Variants in AGT observed in about 807,000 individuals in gnomAD.
The protein encoded by AGT is angiotensinogen, also known as alpha-1 antiproteinase, antitrypsin.
A neutral mutation model predicts 28.1 loss-of-function variants in AGT; 26 were observed. The ratio of observed to expected loss-of-function variants is 0.92; its 90% CI spans 0.68 to 1.28. The LOEUF is 1.28. Ranked by LOEUF, AGT falls within the 50% of genes most tolerant of loss-of-function variation. AGT has a pLI of 0.00. For synonymous variants in AGT, 259 were observed against 259.6 expected (o/e 1.00, Z 0.02); for missense variants, 596 against 592.3 (o/e 1.01, Z -0.06).
intron 1 of AGT, among the ~76,000 whole-genome samples, chr1:230,733,657 T>C (rs1314485255): frequency 3.3e-5 from 5 of 152,220 alleles, no homozygotes; most frequent in Admixed American, 3.3e-4. Flanking sequence ...TCTGGAGAAC[T>C]TGGCAATGAA....
intron 1 of AGT, among the ~76,000 whole-genome samples, chr1:230,731,635 G>T (rs1190539811): frequency 6.6e-6 from 1 of 152,184 alleles, no homozygotes; most frequent in Admixed American, 6.5e-5. Context: ...GGAGGCCAAG[G>T]TGGGTGGATC....
At chr1:230,717,318 T>G (rs1343308455), upstream of AGT, among the ~76,000 whole-genome samples, 4 of 152,070 alleles carry the variant, frequency 2.6e-5, no homozygotes, top group Non-Finnish European at 5.9e-5. Context: ...GAGATGAGAC[T>G]TGGTCTAAAC....
chr1:230,729,430 G>A (rs1027674700), intron 1 of AGT, among the ~76,000 whole-genome samples: 1 of 152,194 alleles, frequency 6.6e-6, no homozygotes, highest in Non-Finnish European at 1.5e-5. Context: ...GTAATTATAA[G>A]CACTTTCTCC....
At chr1:230,724,434 T>C (rs1422739127) in intron 1 of AGT, among the ~76,000 whole-genome samples, 2 of 152,230 alleles carry the variant, frequency 1.3e-5, no homozygotes, top group Non-Finnish European at 2.9e-5. Context: ...CTGAATATAA[T>C]GACACCAAAA....
upstream of AGT, chr1:230,714,406 G>A (rs1332731052): frequency 1.3e-5 from 2 of 152,382 alleles, no homozygotes; most frequent in Non-Finnish European, 2.9e-5. Flanking sequence ...AGAAACGGGA[G>A]CATCTCCCTA....
intron 1 of AGT, among the ~76,000 whole-genome samples, chr1:230,736,319 T>G (rs1276297700): frequency 6.6e-6 from 1 of 151,928 alleles, no homozygotes; most frequent in Non-Finnish European, 1.5e-5. Context: ...GTCGGGAGAT[T>G]GAGACCATCC....
chr1:230,707,223 ACAGCAGCCCACC>A (rs537377074), intron 2 of AGT, among the ~76,000 whole-genome samples: 10 of 152,200 alleles, frequency 6.6e-5, no homozygotes, highest in Non-Finnish European at 1.3e-4. Context: ...TCTTTCCATG[ACAGCAGCCCACC>A]CTCTGCCTCG....
chr1:230,737,879 C>T (rs1057381418), intron 1 of AGT, among the ~76,000 whole-genome samples: 2 of 152,128 alleles, frequency 1.3e-5, no homozygotes, highest in African/African-American at 2.4e-5. Flanking sequence ...CCATCACCCC[C>T]ACCCCTCCCA....
At position 230,710,057 on chromosome 1, in the gene AGT, C is replaced by A; in HGVS notation, c.767G>T (p.Cys256Phe). ...MQAVTGWKTG[C>F]SLMGASVDST... ...GTCCACACTGGCTCCCATCAGGGAG[C>A]AGCCAGTCTTCCATCCTGTCACAGC... The change falls in exon 2 of 5, where the codon TGC becomes TTC. Residue 256 changes from cysteine (C) to phenylalanine (F), a missense_variant. Transcript: ENST00000366667. 6.2e-7 allele frequency: 1 copy of A among 1,614,136 alleles called. No homozygotes were observed. Among genetic ancestry groups the A allele is most frequent in the South Asian group, 1.1e-5 (1 of 91,074 alleles).
At chr1:230,730,820 A>G (rs1050358104) in intron 1 of AGT, among the ~76,000 whole-genome samples, 2 of 152,166 alleles carry the variant, frequency 1.3e-5, no homozygotes, top group Non-Finnish European at 2.9e-5. Flanking sequence ...AATAACTTTT[A>G]TCTGAGGGAT....
intron 1 of AGT, among the ~76,000 whole-genome samples, chr1:230,741,575 G>A (rs1309067285): frequency 6.6e-6 from 1 of 152,220 alleles, no homozygotes; most frequent in Non-Finnish European, 1.5e-5. Context: ...ATTTGTTATG[G>A]TTCATGAATG....
intron 4 of AGT, 91 bp downstream of exon 4, chr1:230,704,102 C>A (rs1663310877): frequency 1.3e-6 from 2 of 1,599,092 alleles, no homozygotes; most frequent in Non-Finnish European, 8.6e-7. Context: ...CTGGCCCCAC[C>A]CATAGCCTCC....
At chr1:230,733,779 T>C (rs1185708613) in intron 1 of AGT, among the ~76,000 whole-genome samples, 1 of 152,290 alleles carries the variant, frequency 6.6e-6, no homozygotes, top group East Asian at 1.9e-4. Context: ...TTTGATTTGA[T>C]GGGGCCATTT....
At chr1:230,731,218 A>C (rs1241312288) in intron 1 of AGT, among the ~76,000 whole-genome samples, 1 of 152,154 alleles carries the variant, frequency 6.6e-6, no homozygotes, top group Non-Finnish European at 1.5e-5. Flanking sequence ...ATATTTGTAA[A>C]TCACACTTCG....
chr1:230,706,312 C>T, intron 2 of AGT, 112 bp from the exon 3 acceptor site: 2 of 1,255,636 alleles, frequency 1.6e-6, no homozygotes, highest in East Asian at 2.5e-5. Flanking sequence ...CCTCAGCCTC[C>T]TTCCTTGGCC....
chr1:230,724,087 A>G (rs192680052), intron 1 of AGT, among the ~76,000 whole-genome samples: 42 of 152,358 alleles, frequency 2.8e-4, no homozygotes, highest in Non-Finnish European at 5.3e-4. Context: ...CTGTTTGTGT[A>G]AACAAGTTTT....
At chr1:230,727,011 T>C (rs1663957661) in intron 1 of AGT, among the ~76,000 whole-genome samples, 1 of 152,320 alleles carries the variant, frequency 6.6e-6, no homozygotes, top group African/African-American at 2.4e-5. Flanking sequence ...GTCATGTGAA[T>C]GGTGACCTTC....
Position 230,728,865 on chromosome 1 carries a change from C to A in AGT, c.-31+16650G>T, listed in dbSNP as rs183066584. Among the ~76,000 whole-genome samples, 13 of 152,286 alleles carry A rather than the reference C, an allele frequency of 8.5e-5. No homozygotes were observed. In the East Asian group the frequency reaches 2.3e-3, roughly 27 times the overall value. ...CTTATACTCCCTGCAATCCCTGTCT[C>A]ATGGGAGTAGAGAATCCTCATAGTG... On this transcript the variant is annotated intron_variant, in intron 1 of 4. Coordinates refer to the AGT transcript ENST00000681269.
At chr1:230,744,274 A>T (rs970457856) in intron 1 of AGT, among the ~76,000 whole-genome samples, 11 of 152,200 alleles carry the variant, frequency 7.2e-5, no homozygotes, top group African/African-American at 2.7e-4. Flanking sequence ...CTAAATGAAG[A>T]CACCCAAGAA....
Sources: gnomAD v4.1 joint callset for allele counts (sites outside exome capture counted in the v4.1 genomes callset) on GRCh38, gnomAD v4.1.1 for gene constraint, MANE v1.5 for transcripts, NCBI Gene and HGNC (gene_info 2026-07-23, HGNC 2026-07-21) for gene names.